MRPS24: variants seen among roughly 807,000 people sequenced by gnomAD.
MRPS24 encodes small ribosomal subunit protein uS3m.
MRPS24 carries 15 observed loss-of-function variants against 21.8 expected under a neutral mutation model. The ratio of observed to expected loss-of-function variants is 0.69; its 90% CI spans 0.46 to 1.06. The LOEUF is 1.06. Among genes scored for constraint, MRPS24 ranks in the 50% least tolerant of loss-of-function variants. The pLI is 0.00. For synonymous variants in MRPS24, 93 were observed against 93.7 expected, an observed-to-expected ratio of 0.99 and a Z score of 0.04; for missense variants, 224 against 219.1, an observed-to-expected ratio of 1.02 and a Z score of -0.14.
intron 3 of MRPS24, chr7:43,868,176 T>A (rs988058646): frequency 1.3e-5 from 2 of 152,192 alleles, no homozygotes; most frequent in African/African-American, 2.4e-5. Flanking sequence ...AATACATGTA[T>A]GTTCTCCCTA....
In MRPS24 at chr7:43,869,118, G is replaced by C; in HGVS notation, c.109-44C>G. On this transcript the variant is annotated intron_variant, in intron 2 of 3. Coordinates refer to ENST00000317534, the MANE Select transcript of MRPS24 (RefSeq NM_032014.3). This position sits in a 1 kb window ranked among gnomAD's most constrained non-coding sequence, Gnocchi z 4.8. ...GTGACTCCACGAGATCCCCGATCCA[G>C]ACCCCTACTTCGCGCCATGTCCCCC... 6.3e-7 allele frequency: 1 copy of C among 1,588,484 alleles called. No homozygotes were observed. The highest frequency in any genetic ancestry group is 8.5e-7 in the Non-Finnish European group (1 of 1,171,352).
In MRPS24 at chr7:43,869,466, C is replaced by T; in HGVS notation, c.30G>A (p.Leu10=). 1 of 1,567,892 alleles carries T rather than the reference C, an allele frequency of 6.4e-7. No homozygotes were observed. Among genetic ancestry groups the T allele is most frequent in the Non-Finnish European group, 8.6e-7 (1 of 1,157,518 alleles). The change falls in exon 1 of 4, where the codon CTG becomes CTA. Residue 10 remains leucine, a synonymous_variant. Transcript: ENST00000317534. The surrounding 1 kb of genome is among the most constrained non-coding windows in gnomAD (Gnocchi z 4.8). The stretch of plus-strand genomic sequence containing the variant: ...GAGTCGCCCCACTCACCCGTGGCCC[C>T]AGCAACCCGCTGCACACGGAGGCCG... MAASVCSGL[L]GPRVLSWSRE... is the part of the protein sequence containing the mutation.
In MRPS24 at chr7:43,866,776, G is replaced by C; in HGVS notation, c.427C>G (p.Leu143Val). Residue 143 changes from leucine to valine, a missense_variant, in exon 4 of 4, where the codon CTG (leucine) becomes GTG (valine). By Grantham distance (32) the Leu-to-Val change is conservative (BLOSUM62 1). Coordinates refer to ENST00000317534, the MANE Select transcript of MRPS24 (RefSeq NM_032014.3). ...ACAGGACATTTGTAAAAGTAGGACA[G>C]CAAAGTTTCACTGTAGCCCACGAGG... The part of the protein sequence containing the change: ...YFLVGYSETL[L>V]SYFYKCPVRL... The C allele has an allele frequency of 6.2e-7, 1 of 1,614,248 alleles. No individual in the cohort carries two copies. Among genetic ancestry groups the C allele is most frequent in the Non-Finnish European group, 8.5e-7 (1 of 1,180,042 alleles).
intron 3 of MRPS24, chr7:43,868,703 G>A: frequency 4.4e-6 from 2 of 452,632 alleles, no homozygotes; most frequent in Non-Finnish European, 7.8e-6. Context: ...CTGTAGACAT[G>A]CAAATAATTT....
rs2095836712 is a variant in MRPS24 at position 43,866,822 on chromosome 7, C to T, written c.381G>A (p.Leu127=). 2 of 1,614,224 alleles carry T rather than the reference C, an allele frequency of 1.2e-6. No homozygotes were observed. Among genetic ancestry groups the T allele is most frequent in the African/African-American group, 1.3e-5 (1 of 75,058 alleles). The change falls in exon 4 of 4, where the codon TTG becomes TTA. Residue 127 remains leucine, a synonymous_variant. Coordinates refer to ENST00000317534, the MANE Select transcript of MRPS24 (RefSeq NM_032014.3). ...CGAGGAAGTAGTACTTGTGTGGAGA[C>T]AACTGCCTCAGGACCACGGCACAGA... ...LEICAVVLRQ[L]SPHKYYFLVG...
Position 43,869,504 on chromosome 7 carries a change from A to C in MRPS24, c.-9T>G. 1 of 1,564,756 alleles carries C rather than the reference A, an allele frequency of 6.4e-7. No individual in the cohort carries two copies. Among genetic ancestry groups the C allele is most frequent in the Non-Finnish European group, 8.6e-7 (1 of 1,157,184 alleles). ...CACACGGAGGCCGCCATCTTGGGCC[A>C]AGCGGAGCGCGGGACGTACCACAGC... On this transcript the variant is annotated 5_prime_UTR_variant, in exon 1 of 4. Coordinates refer to ENST00000317534, the MANE Select transcript of MRPS24 (RefSeq NM_032014.3). This position sits in a 1 kb window ranked among gnomAD's most constrained non-coding sequence, Gnocchi z 4.8.
chr7:43,867,297 G>A (rs1358410210), intron 3 of MRPS24, among the ~76,000 whole-genome samples: 1 of 152,158 alleles, frequency 6.6e-6, no homozygotes, highest in Middle Eastern at 3.4e-3. Flanking sequence ...TGCTTTCTTG[G>A]CTGCCTTATA....
chr7:43,866,816 T>TAA lies in MRPS24; in HGVS notation c.386_387insTT (p.His130TyrfsTer72). On this transcript the variant is annotated frameshift_variant, in exon 4 of 4. Transcript: ENST00000317534. LOFTEE classifies it high-confidence loss of function. ...AGCCCACGAGGAAGTAGTACTTGTGTGGAGACAACTGCCTCAGGACCACGG... is the reference window on the plus strand; with the variant it reads ...AGCCCACGAGGAAGTAGTACTTGTGTAAGGAGACAACTGCCTCAGGACCACGG... 6.2e-7 allele frequency: 1 copy of TAA among 1,614,236 alleles called. No individual in the cohort carries two copies. The highest frequency in any genetic ancestry group is 1.3e-5 in the African/African-American group (1 of 75,058).
Position 43,866,868 on chromosome 7 carries a change from C to A in MRPS24, c.335G>T (p.Arg112Leu). 6.2e-7 allele frequency: 1 copy of A among 1,614,206 alleles called. No individual in the cohort carries two copies. Among genetic ancestry groups the A allele is most frequent in the Non-Finnish European group, 8.5e-7 (1 of 1,180,030 alleles). The change falls in exon 4 of 4, where the codon CGC (arginine) becomes CTC (leucine). Residue 112 changes from arginine to leucine, a missense_variant. Coordinates refer to ENST00000317534, the MANE Select transcript of MRPS24 (RefSeq NM_032014.3). ...ACAGATCTCCAACTGGTTACCCCGG[C>A]GCTTTAAAACCAGCTGGTCAGCCAG... Reference protein sequence around the residue: ...GCLADQLVLKRRGNQLEICAV... With the variant: ...GCLADQLVLKLRGNQLEICAV...
At chr7:43,867,308 A>G (rs2095837145) in intron 3 of MRPS24, among the ~76,000 whole-genome samples, 1 of 152,070 alleles carries the variant, frequency 6.6e-6, no homozygotes, top group African/African-American at 2.4e-5. Flanking sequence ...CTGCCTTATA[A>G]AAACACTGGT....
chr7:43,868,810 ATC>A (rs1301843596), intron 3 of MRPS24, 151 bp downstream of exon 3: 1 of 1,000,812 alleles, frequency 1.0e-6, no homozygotes, highest in Non-Finnish European at 1.4e-6. Context: ...ATCTATATAT[ATC>A]TCTGCTTTTT....
rs2095839025 is a variant in MRPS24 at position 43,869,323 on chromosome 7, G to A, written c.93C>T (p.Ser31=). The part of the protein sequence containing the change: ...LPCAWRALHT[S]PVCAKNRAAR... ...CGGTGCTCACCTTGGCGCAGACCGGGGAGGTGTGCAGGGCGCGCCAAGCGC... is the reference window on the plus strand; with the variant it reads ...CGGTGCTCACCTTGGCGCAGACCGGAGAGGTGTGCAGGGCGCGCCAAGCGC... The change falls in exon 2 of 4, where the codon TCC becomes TCT. Residue 31 remains serine (S), a synonymous_variant. Transcript: ENST00000317534. This position sits in a 1 kb window ranked among gnomAD's most constrained non-coding sequence, Gnocchi z 4.8. The A allele has an allele frequency of 1.3e-6, 2 of 1,546,250 alleles. No individual in the cohort carries two copies. The highest frequency in any genetic ancestry group is 1.7e-6 in the Non-Finnish European group (2 of 1,146,488).
chr7:43,866,856 T>C lies in MRPS24; in HGVS notation c.347A>G (p.Gln116Arg). 6.2e-7 allele frequency: 1 copy of C among 1,614,226 alleles called. No individual in the cohort carries two copies. The highest frequency in any genetic ancestry group is 8.5e-7 in the Non-Finnish European group (1 of 1,180,034). ...DQLVLKRRGN[Q>R]LEICAVVLRQ... ...CAGGACCACGGCACAGATCTCCAAC[T>C]GGTTACCCCGGCGCTTTAAAACCAG... is the stretch of plus-strand genomic sequence containing the variant. Residue 116 changes from glutamine (Q) to arginine (R), a missense_variant, in exon 4 of 4, where the codon CAG becomes CGG. Transcript: ENST00000317534.
Position 43,867,518 on chromosome 7 carries a change from CTCTTT to C in MRPS24, c.221-541_221-537del, listed in dbSNP as rs148292834. The stretch of plus-strand genomic sequence containing the variant: ...AAGAGTGGGAGACAAGCATCTCTCT[CTCTTT>C]TTTTTTTTTTTTTTTTTTTTTTTTG... On this transcript the variant is annotated intron_variant, in intron 3 of 3. Transcript: ENST00000317534. 6.6e-3 allele frequency: 601 copies of C among 90,718 alleles called. 65 individuals carry two copies. The highest frequency in any genetic ancestry group is 0.022 in the African/African-American group (515 of 23,936). The allele number at this position is 90,718 out of a possible 1,614,324, so 5.6% of individuals were successfully genotyped here. A position where few individuals can be genotyped will look rare whatever the true frequency, so the allele number is the denominator to read the frequency against.
chr7:43,869,158 T>C lies in MRPS24; in HGVS notation c.109-84A>G, dbSNP rs2095838782. On this transcript the variant is annotated intron_variant, in intron 2 of 3. Transcript: ENST00000317534. This position sits in a 1 kb window ranked among gnomAD's most constrained non-coding sequence, Gnocchi z 4.8. ...CCATGTCCCCCCAGTCAGCTGGCAC[T>C]GTTCCCCGGCCCCAATCCCCTGATC... 16 of 1,503,394 alleles carry C rather than the reference T, an allele frequency of 1.1e-5. No homozygotes were observed. Among genetic ancestry groups the C allele is most frequent in the Non-Finnish European group, 1.4e-5 (16 of 1,128,222 alleles). 93.1% of individuals were successfully genotyped at this position (1,503,394 alleles called of 1,614,324 possible). A position where few individuals can be genotyped will look rare whatever the true frequency, so the allele number is the denominator to read the frequency against.
rs1407911801 is a variant in MRPS24, at chr7:43,868,714, C to A, written c.220+249G>T. The A allele has an allele frequency of 2.8e-5, 13 of 468,240 alleles. No individual in the cohort carries two copies. In the East Asian group the frequency reaches 3.6e-4, roughly 13 times the overall value. The allele number at this position is 468,240 out of a possible 1,614,324, so 29.0% of individuals were successfully genotyped here. A position where few individuals can be genotyped will look rare whatever the true frequency, so the allele number is the denominator to read the frequency against. On this transcript the variant is annotated intron_variant, in intron 3 of 3. Coordinates refer to ENST00000317534, the MANE Select transcript of MRPS24 (RefSeq NM_032014.3). ...TTGTCTGTAGACATGCAAATAATTT[C>A]TGTTCAGTGGAGGATCAATTGAGTC...
At chr7:43,868,163 T>A (rs1249739856) in intron 3 of MRPS24, 1 of 152,178 alleles carries the variant, frequency 6.6e-6, no homozygotes, top group Non-Finnish European at 1.5e-5. Context: ...AGAAAGATTC[T>A]CTAATACATG....
Position 43,869,366 on chromosome 7 carries a change from CAGGACAGCACCT to C in MRPS24, c.40-2_49del. Reference sequence around the variant, plus strand: ...CCAAGCGCAAGGCAGCTCTCGGCTCCAGGACAGCACCTGTGGAGGGAGGGCGCGTGAGGCGGA... The same window carrying C: ...CCAAGCGCAAGGCAGCTCTCGGCTCCGTGGAGGGAGGGCGCGTGAGGCGGA... On this transcript the variant is annotated splice_acceptor_variant and coding_sequence_variant, in exon 2 of 4. Transcript: ENST00000317534. LOFTEE classifies it high-confidence loss of function. This position sits in a 1 kb window ranked among gnomAD's most constrained non-coding sequence, Gnocchi z 4.8. 1 of 1,549,718 alleles carries C rather than the reference CAGGACAGCACCT, an allele frequency of 6.5e-7. No homozygotes were observed. The highest frequency in any genetic ancestry group is 1.4e-5 in the African/African-American group (1 of 73,150).
At chr7:43,867,045 C>T in intron 3 of MRPS24, 63 bp from the exon 4 acceptor site, 2 of 1,554,070 alleles carry the variant, frequency 1.3e-6, no homozygotes, top group Admixed American at 3.5e-5. Context: ...GCCATAACTC[C>T]AGAGTCAACA....
Sources: gnomAD v4.1 joint callset for allele counts (sites outside exome capture counted in the v4.1 genomes callset) on GRCh38, gnomAD v4.1.1 for gene constraint, Gnocchi (gnomAD v3.1) non-coding constraint, MANE v1.5 for transcripts, NCBI Gene and HGNC (gene_info 2026-07-23, HGNC 2026-07-21) for gene names.